The following PTPRT variants were observed in gnomAD, a reference collection of about 807,000 sequenced individuals.
The protein encoded by PTPRT is receptor-type tyrosine-protein phosphatase T.
Under a neutral mutation model 176.8 loss-of-function variants are expected in PTPRT, and 56 were observed. That is an observed-to-expected ratio of 0.32 (90% CI 0.26 to 0.40). The LOEUF (loss-of-function observed/expected upper bound fraction) is 0.40, where lower values mean the gene tolerates loss of function less well. Among genes scored for constraint, PTPRT ranks in the 10% least tolerant of loss-of-function variants. The probability of loss-of-function intolerance (pLI) is 1.00; values close to 1 mark genes in which losing one functional copy is unlikely to be tolerated. For synonymous variants in PTPRT, 783 were observed against 739.0 expected, an observed-to-expected ratio of 1.06 and a Z score of -0.96; for missense variants, 1,540 against 1,908.2, an observed-to-expected ratio of 0.81 and a Z score of 3.60.
intron 1 of PTPRT, among the ~76,000 whole-genome samples, chr20:43,089,647 G>A (rs2011743608): frequency 6.6e-6 from 1 of 152,186 alleles, no homozygotes; most frequent in Non-Finnish European, 1.5e-5. Flanking sequence ...GTGGAATGGT[G>A]AGGAGAAAGA....
At chr20:42,818,235 C>G (rs1355872773) in intron 2 of PTPRT, among the ~76,000 whole-genome samples, 1 of 151,950 alleles carries the variant, frequency 6.6e-6, no homozygotes, top group African/African-American at 2.4e-5. Flanking sequence ...AATCAGATGA[C>G]TAGGTCCTAA....
At chr20:42,213,916 C>T (rs541486461) in intron 15 of PTPRT, among the ~76,000 whole-genome samples, 34 of 152,192 alleles carry the variant, frequency 2.2e-4, no homozygotes, top group Non-Finnish European at 4.3e-4. Flanking sequence ...CCTGAGGAAA[C>T]TAATAAAATG....
chr20:43,012,501 A>G (rs1985179698), intron 1 of PTPRT, among the ~76,000 whole-genome samples: 1 of 152,156 alleles, frequency 6.6e-6, no homozygotes, highest in Non-Finnish European at 1.5e-5. Context: ...TGAGAGATAG[A>G]TATCGGGGGT....
intron 2 of PTPRT, among the ~76,000 whole-genome samples, chr20:42,873,555 C>G (rs1000906451): frequency 6.6e-6 from 1 of 152,126 alleles, no homozygotes; most frequent in Non-Finnish European, 1.5e-5. Flanking sequence ...CTAATAGGCA[C>G]ATTTAAAAAG....
At chr20:42,917,643 A>G (rs977137186) in intron 1 of PTPRT, among the ~76,000 whole-genome samples, 1 of 152,206 alleles carries the variant, frequency 6.6e-6, no homozygotes, top group Non-Finnish European at 1.5e-5. Flanking sequence ...CCAGTGAAAT[A>G]GCATTGCCCC....
chr20:42,822,748 C>T (rs1441615028), intron 2 of PTPRT, among the ~76,000 whole-genome samples: 1 of 152,104 alleles, frequency 6.6e-6, no homozygotes, highest in Non-Finnish European at 1.5e-5. Flanking sequence ...TATGAACAGA[C>T]ACTTCTCAAA....
intron 16 of PTPRT, among the ~76,000 whole-genome samples, chr20:42,171,406 C>T (rs1159267265): frequency 6.6e-6 from 1 of 152,088 alleles, no homozygotes; most frequent in Non-Finnish European, 1.5e-5. Context: ...AAATTCTTGG[C>T]TAAAATTTCC....
At chr20:42,742,729 G>A (rs571481776) in intron 6 of PTPRT, among the ~76,000 whole-genome samples, 20 of 152,186 alleles carry the variant, frequency 1.3e-4, no homozygotes, top group Non-Finnish European at 1.5e-4. Context: ...TTTCTTGCTG[G>A]TATGAAGCAG....
intron 17 of PTPRT, among the ~76,000 whole-genome samples, chr20:42,148,264 T>TA (rs2146445470): frequency 7.0e-6 from 1 of 142,084 alleles, no homozygotes; most frequent in South Asian, 2.1e-4. Context: ...GCAGTCATTT[T>TA]TTTTTTTTTT....
At chr20:42,700,795 C>T (rs975388934) in intron 6 of PTPRT, among the ~76,000 whole-genome samples, 3 of 152,092 alleles carry the variant, frequency 2.0e-5, no homozygotes, top group Non-Finnish European at 4.4e-5. Flanking sequence ...GTCTCTGAGG[C>T]CATTTCCACC....
intron 14 of PTPRT, among the ~76,000 whole-genome samples, chr20:42,239,413 CTTTTTTTTTTTTTTTT>C (rs35978863): frequency 0.014 from 1,165 of 81,350 alleles, 25 homozygotes; most frequent in Non-Finnish European, 0.018. Context: ...CATTTTCTTT[CTTTTTTTTTTTTTTTT>C]TTTTTTTTTG....
intron 7 of PTPRT, among the ~76,000 whole-genome samples, chr20:42,525,140 A>C (rs141172397): frequency 0.011 from 1,670 of 152,072 alleles, 27 homozygotes; most frequent in African/African-American, 0.039. Context: ...ACACCACCAC[A>C]GCTGGCTAAT....
chr20:42,673,613 C>G lies in PTPRT; in HGVS notation c.1153+4253G>C, dbSNP rs180858115. On this transcript the variant is annotated intron_variant, in intron 7 of 30. Transcript: ENST00000373187. ...CTAGTGAGGGCCCATTTCCTGGGTC[C>G]TCACATGGCAGAAGACATGAAGGAG... 5.2e-3 allele frequency among the ~76,000 whole-genome samples: 785 copies of G among 152,182 alleles called. 5 individuals carry two copies. The highest frequency in any genetic ancestry group is 0.018 in the African/African-American group (751 of 41,502).
chr20:42,219,445 G>A (rs181461099), intron 15 of PTPRT, among the ~76,000 whole-genome samples: 103 of 152,264 alleles, frequency 6.8e-4, no homozygotes, highest in Non-Finnish European at 7.5e-4. Context: ...CGCCTTTCTA[G>A]ATAGGGGGTT....
chr20:42,199,450 T>C, intron 15 of PTPRT, 62 bp from the exon 16 acceptor site: 1 of 1,548,266 alleles, frequency 6.5e-7, no homozygotes, highest in Non-Finnish European at 8.8e-7. Flanking sequence ...ATTAAAGCAT[T>C]GGGTAGATTG....
chr20:43,114,977 T>C (rs1164800690), intron 1 of PTPRT, among the ~76,000 whole-genome samples: 1 of 152,170 alleles, frequency 6.6e-6, no homozygotes, highest in African/African-American at 2.4e-5. Flanking sequence ...ACAGTAATAA[T>C]AGCCAGCATT....
chr20:43,085,297 T>A (rs983671228), intron 1 of PTPRT, among the ~76,000 whole-genome samples: 1 of 152,160 alleles, frequency 6.6e-6, no homozygotes, highest in Non-Finnish European at 1.5e-5. Flanking sequence ...TACACCAAAC[T>A]CTACAAGGTG....
chr20:42,726,862 T>A (rs747884037), intron 6 of PTPRT, among the ~76,000 whole-genome samples: 1 of 152,196 alleles, frequency 6.6e-6, no homozygotes, highest in Non-Finnish European at 1.5e-5. Flanking sequence ...GATTTTTGTG[T>A]GTGAGCAGGG....
chr20:42,323,125 G>C (rs1313165476), intron 11 of PTPRT, among the ~76,000 whole-genome samples: 1 of 152,150 alleles, frequency 6.6e-6, no homozygotes, highest in Non-Finnish European at 1.5e-5. Flanking sequence ...TGCTGGAGAG[G>C]ATGTGGAGAA....
Sources: allele counts gnomAD v4.1 joint callset (sites outside exome capture counted in the v4.1 genomes callset), GRCh38; gene constraint gnomAD v4.1.1; transcripts MANE v1.5; gene names NCBI Gene and HGNC (gene_info 2026-07-23, HGNC 2026-07-21).